Variants in ZNF700 observed in about 807,000 individuals in gnomAD.
ZNF700 encodes zinc finger protein 700.
A neutral mutation model predicts 65.3 loss-of-function variants in ZNF700; 38 were observed. That is an observed-to-expected ratio of 0.58 (90% CI 0.45 to 0.76). ZNF700 has a LOEUF of 0.76. Among genes scored for constraint, ZNF700 ranks in the 30% least tolerant of loss-of-function variants. The pLI, the probability that ZNF700 is intolerant of heterozygous loss-of-function variation, is 0.00. For missense variants in ZNF700, 857 were observed against 888.4 expected (o/e 0.96, Z 0.45); for synonymous variants, 285 against 290.4 (o/e 0.98, Z 0.19).
At chr19:11,930,519 T>TA (rs1260800545) in intron 1 of ZNF700, among the ~76,000 whole-genome samples, 2 of 148,520 alleles carry the variant, frequency 1.3e-5, no homozygotes, top group Non-Finnish European at 2.9e-5. Flanking sequence ...TAAGGTAACA[T>TA]ATCAATATAA....
rs575384474 is a variant in ZNF700, at chr19:11,949,307, G to T, written c.1283G>T (p.Arg428Ile). Residue 428 changes from arginine (R) to isoleucine (I), a missense_variant, in exon 4 of 4, where the codon AGA (arginine) becomes ATA (isoleucine). Transcript: ENST00000254321. Reference protein sequence around the residue: ...YECKQCGKAFRSASQLRVHGG... With the variant: ...YECKQCGKAFISASQLRVHGG... Reference sequence around the variant, plus strand: ...TGTAAGCAGTGTGGGAAAGCCTTCAGATCTGCCTCACAGCTTCGAGTGCAC... The same window carrying T: ...TGTAAGCAGTGTGGGAAAGCCTTCATATCTGCCTCACAGCTTCGAGTGCAC... The T allele has an allele frequency of 8.7e-6, 14 of 1,613,832 alleles. No individual in the cohort carries two copies. In the South Asian group the frequency reaches 1.4e-4, roughly 16 times the overall value.
chr19:11,939,662 C>G (rs886918925), intron 1 of ZNF700, among the ~76,000 whole-genome samples: 9 of 152,132 alleles, frequency 5.9e-5, no homozygotes, highest in Non-Finnish European at 1.2e-4. Context: ...AGTTCCACCA[C>G]GTTGGCCAGG....
Position 11,950,299 on chromosome 19 carries a change from C to A in ZNF700, c.*46C>A. On this transcript the variant is annotated 3_prime_UTR_variant, in exon 4 of 4. Coordinates refer to ENST00000254321, the MANE Select transcript of ZNF700 (RefSeq NM_144566.3). The stretch of plus-strand genomic sequence containing the variant: ...TGAATAGACTCACACTGGAAGGAAG[C>A]ACTATGAATGCAAGCAATGTGGCAA... 9 of 1,566,746 alleles carry A rather than the reference C, an allele frequency of 5.7e-6. No individual in the cohort carries two copies. The highest frequency in any genetic ancestry group is 6.1e-6 in the Non-Finnish European group (7 of 1,155,938).
chr19:11,926,216 T>C (rs1001295190), intron 1 of ZNF700, among the ~76,000 whole-genome samples: 6 of 152,190 alleles, frequency 3.9e-5, no homozygotes, highest in Non-Finnish European at 5.9e-5. Flanking sequence ...TGTAAGTTAG[T>C]ATCTTCTTGC....
rs1479596487 is a variant in ZNF700 at position 11,950,372 on chromosome 19, C to A, written c.*119C>A. 9.6e-7 allele frequency: 1 copy of A among 1,041,682 alleles called. No homozygotes were observed. The highest frequency in any genetic ancestry group is 1.5e-6 in the Non-Finnish European group (1 of 686,420). The allele number at this position is 1,041,682 out of a possible 1,614,324, so 64.5% of individuals were successfully genotyped here. ...TTTCGATATCATGAAAGGACTCACA[C>A]TGGGGAGAAACCCTATCAATGTAAG... On this transcript the variant is annotated 3_prime_UTR_variant, in exon 4 of 4. Coordinates refer to ENST00000254321, the MANE Select transcript of ZNF700 (RefSeq NM_144566.3).
At chr19:11,942,060 T>A (rs1972893809) in intron 1 of ZNF700, among the ~76,000 whole-genome samples, 1 of 152,002 alleles carries the variant, frequency 6.6e-6, no homozygotes, top group African/African-American at 2.4e-5. Context: ...ATGTCCCCTT[T>A]CCTTTGCCCT....
At chr19:11,938,200 CAG>C (rs1323091051) in intron 1 of ZNF700, among the ~76,000 whole-genome samples, 1 of 152,122 alleles carries the variant, frequency 6.6e-6, no homozygotes, top group Non-Finnish European at 1.5e-5. Flanking sequence ...TCCCAAGTAA[CAG>C]GGACTACAGG....
intron 1 of ZNF700, among the ~76,000 whole-genome samples, chr19:11,931,366 A>G (rs927311047): frequency 1.4e-5 from 2 of 147,934 alleles, no homozygotes; most frequent in African/African-American, 5.3e-5. Context: ...GTGTCTTCTT[A>G]TAAGAGCACT....
At chr19:11,925,306 G>C in intron 1 of ZNF700, 33 bp downstream of exon 1, 1 of 1,607,946 alleles carries the variant, frequency 6.2e-7, no homozygotes, top group Non-Finnish European at 8.5e-7. Flanking sequence ...CGTGAGACGG[G>C]GGAGGGGCTG....
chr19:11,949,050 C>T lies in ZNF700; in HGVS notation c.1026C>T (p.Gly342=). Residue 342 remains glycine (G), a synonymous_variant, in exon 4 of 4, where the codon GGC becomes GGT. Coordinates refer to ENST00000254321, the MANE Select transcript of ZNF700 (RefSeq NM_144566.3). Reference sequence around the variant, plus strand: ...ATGAATGTAAGCAATATGGGGAAGGCTTATCCTATCTTATAAGTTTTCAAA... The same window carrying T: ...ATGAATGTAAGCAATATGGGGAAGGTTTATCCTATCTTATAAGTTTTCAAA... ...KPYECKQYGE[G]LSYLISFQTH... 6.2e-7 allele frequency: 1 copy of T among 1,608,190 alleles called. No homozygotes were observed.
At chr19:11,930,224 T>G (rs1395569119) in intron 1 of ZNF700, among the ~76,000 whole-genome samples, 1 of 148,628 alleles carries the variant, frequency 6.7e-6, no homozygotes, top group African/African-American at 2.6e-5. Context: ...GCCAATCAGC[T>G]AATTGGATGT....
intron 1 of ZNF700, among the ~76,000 whole-genome samples, chr19:11,945,923 G>C (rs764724823): frequency 1.3e-5 from 2 of 152,100 alleles, no homozygotes; most frequent in Non-Finnish European, 2.9e-5. Flanking sequence ...CAGAAAGCTT[G>C]TTTTGCCGAG....
intron 1 of ZNF700, among the ~76,000 whole-genome samples, chr19:11,943,516 A>G (rs1156622430): frequency 6.6e-6 from 1 of 151,844 alleles, no homozygotes; most frequent in Non-Finnish European, 1.5e-5. Context: ...TATTTTTTTT[A>G]CTTCTATTAC....
In ZNF700 at chr19:11,950,006, CTTCTT is replaced by C. The variant is rs774447822; in HGVS notation, c.1986_1990del (p.Phe663AsnfsTer3). On this transcript the variant is annotated frameshift_variant, in exon 4 of 4. Coordinates refer to ENST00000254321, the MANE Select transcript of ZNF700 (RefSeq NM_144566.3). LOFTEE classifies it high-confidence loss of function. ...TGCGAAAAAGCATTCTGTAAATTCT[CTTCTT>C]TTCAAATACATGAAAGGAAGCACAG... 8 of 1,614,060 alleles carry C rather than the reference CTTCTT, an allele frequency of 5.0e-6. No individual in the cohort carries two copies. Among genetic ancestry groups the C allele is most frequent in the Non-Finnish European group, 5.9e-6 (7 of 1,179,996 alleles).
In ZNF700 at chr19:11,948,797, C is replaced by G. The variant is rs1973005886; in HGVS notation, c.773C>G (p.Ser258Cys). 2.5e-6 allele frequency: 4 copies of G among 1,610,316 alleles called. No homozygotes were observed. The East Asian group carries it at 6.7e-5, about 27-fold the overall frequency. ...TATGAATGTAAACAATGTGGTAAAT[C>G]CTTTACTTATTCTGCTACCCTTCAA... ...KPYECKQCGK[S>C]FTYSATLQIH... is the part of the protein sequence containing the mutation. Residue 258 changes from serine (S) to cysteine (C), a missense_variant, in exon 4 of 4, where the codon TCC (serine) becomes TGC (cysteine). This residue lies in a region of ZNF700 where 603 missense variants were observed against 619.9 expected (regional missense o/e 0.97). Transcript: ENST00000254321.
At chr19:11,945,657 T>G (rs1346430536) in intron 1 of ZNF700, among the ~76,000 whole-genome samples, 1 of 152,092 alleles carries the variant, frequency 6.6e-6, no homozygotes, top group Non-Finnish European at 1.5e-5. Context: ...TGACCATCAC[T>G]TAGCCAGAGC....
Position 11,947,168 on chromosome 19 carries a change from T to A in ZNF700, c.64-13T>A. 5.0e-6 allele frequency: 8 copies of A among 1,609,138 alleles called. No individual in the cohort carries two copies. The highest frequency in any genetic ancestry group is 6.8e-6 in the Non-Finnish European group (8 of 1,176,372). Reference sequence around the variant, plus strand: ...TCTCACCCATCTTCCTCTACACATGTGAGATGTTTCAGGACCCAGTGGCCT... The same window carrying A: ...TCTCACCCATCTTCCTCTACACATGAGAGATGTTTCAGGACCCAGTGGCCT... On this transcript the variant is annotated splice_polypyrimidine_tract_variant and intron_variant, in intron 1 of 3. Transcript: ENST00000254321.
Position 11,950,105 on chromosome 19 carries a change from A to G in ZNF700, c.2081A>G (p.His694Arg). ...ACATCTGCCAAGATTCTTCAAATAC[A>G]TGCAAGAACACACATTGGAGAGAAA... ...GFTSAKILQI[H>R]ARTHIGEKHY... Residue 694 changes from histidine to arginine, a missense_variant, in exon 4 of 4, where the codon CAT becomes CGT. His to Arg is a conservative substitution (Grantham distance 29). Around this residue, in one of 3 missense-constraint regions of ZNF700, gnomAD observed 251 missense variants for 250.3 expected, o/e 1.00. Transcript: ENST00000254321. 6.2e-7 allele frequency: 1 copy of G among 1,614,234 alleles called. No homozygotes were observed. The highest frequency in any genetic ancestry group is 1.1e-5 in the South Asian group (1 of 91,088).
intron 1 of ZNF700, among the ~76,000 whole-genome samples, chr19:11,930,892 G>A (rs139308640): frequency 0.022 from 3,297 of 147,274 alleles, 506 homozygotes; most frequent in African/African-American, 0.074. Context: ...CCAGCTACTC[G>A]GGAGGCTGAG....
Sources: allele counts gnomAD v4.1 joint callset (sites outside exome capture counted in the v4.1 genomes callset), GRCh38; gene constraint gnomAD v4.1.1; regional missense constraint gnomAD v4.1.1; transcripts MANE v1.5; gene names NCBI Gene and HGNC (gene_info 2026-07-23, HGNC 2026-07-21).